The following MAP3K20 variants were observed in gnomAD, a reference collection of about 807,000 sequenced individuals.
MAP3K20 encodes HCCS-4.
Under a neutral mutation model 85.7 loss-of-function variants are expected in MAP3K20, and 40 were observed. That is an observed-to-expected ratio of 0.47 (90% CI 0.36 to 0.61). The LOEUF (loss-of-function observed/expected upper bound fraction) is 0.61. MAP3K20 is among the 20% of genes least tolerant of loss of function. MAP3K20 has a pLI of 0.00. For missense variants in MAP3K20, 817 were observed against 961.7 expected (o/e 0.85, Z 1.99); for synonymous variants, 325 against 327.7 (o/e 0.99, Z 0.09).
intron 2 of MAP3K20, among the ~76,000 whole-genome samples, chr2:173,106,913 T>G (rs1421780729): frequency 6.6e-6 from 1 of 152,134 alleles, no homozygotes; most frequent in African/African-American, 2.4e-5. Context: ...TCCTAAGTCA[T>G]GACCAAAGGA....
At chr2:173,209,530 G>C (rs1232564687) in intron 9 of MAP3K20, 199 bp from the exon 10 acceptor site, 9 of 447,338 alleles carry the variant, frequency 2.0e-5, no homozygotes, top group African/African-American at 1.6e-4. Flanking sequence ...CTTGTGAATA[G>C]TTCACCGAAA....
chr2:173,077,467 T>C (rs571520615), intron 1 of MAP3K20, among the ~76,000 whole-genome samples: 3 of 151,912 alleles, frequency 2.0e-5, no homozygotes, highest in Non-Finnish European at 2.9e-5. Context: ...CCTGCTACTA[T>C]AGTGAGAGAT....
upstream of MAP3K20, chr2:173,075,838 C>T: frequency 1.0e-6 from 1 of 985,348 alleles, no homozygotes; most frequent in Non-Finnish European, 1.2e-6. Context: ...GTTGCCGTGA[C>T]TGTCTTCCTC....
At chr2:173,255,306 CA>C (rs1339759962) in intron 16 of MAP3K20, among the ~76,000 whole-genome samples, 1 of 152,142 alleles carries the variant, frequency 6.6e-6, no homozygotes, top group East Asian at 1.9e-4. Flanking sequence ...TGGAGCTCAA[CA>C]AAATCATCCA....
chr2:173,250,032 CCATT>C (rs1377779979), intron 16 of MAP3K20, among the ~76,000 whole-genome samples: 1 of 152,146 alleles, frequency 6.6e-6, no homozygotes, highest in Non-Finnish European at 1.5e-5. Context: ...TAGACACAAG[CCATT>C]GTTAAGGGTA....
intron 1 of MAP3K20, among the ~76,000 whole-genome samples, chr2:173,081,166 G>A (rs1315604618): frequency 6.6e-6 from 1 of 150,708 alleles, no homozygotes; most frequent in African/African-American, 2.4e-5. Flanking sequence ...AATCGATACA[G>A]ACACATATTT....
chr2:173,243,861 C>T (rs933420777), intron 16 of MAP3K20, among the ~76,000 whole-genome samples: 2 of 152,224 alleles, frequency 1.3e-5, no homozygotes, highest in East Asian at 1.9e-4. Flanking sequence ...CTCCTGATCT[C>T]GTGATCCGCC....
chr2:173,190,655 A>G (rs768231363), intron 5 of MAP3K20, among the ~76,000 whole-genome samples: 2 of 152,224 alleles, frequency 1.3e-5, no homozygotes, highest in East Asian at 1.9e-4. Flanking sequence ...CTTACTGGAC[A>G]GTACTGCATT....
At chr2:173,084,659 A>T (rs937048369) in intron 1 of MAP3K20, among the ~76,000 whole-genome samples, 1 of 152,202 alleles carries the variant, frequency 6.6e-6, no homozygotes, top group African/African-American at 2.4e-5. Context: ...AAGAGATATA[A>T]TATAAAACAA....
In MAP3K20 at chr2:173,075,937, G is replaced by C. The variant is rs1301151040; in HGVS notation, c.-100G>C. 2 of 985,022 alleles carry C rather than the reference G, an allele frequency of 2.0e-6. No individual in the cohort carries two copies. Among genetic ancestry groups the C allele is most frequent in the Non-Finnish European group, 2.4e-6 (2 of 829,892 alleles). 61.0% of individuals were successfully genotyped at this position (985,022 alleles called of 1,614,324 possible). A position where few individuals can be genotyped will look rare whatever the true frequency, so the allele number is the denominator to read the frequency against. On this transcript the variant is annotated 5_prime_UTR_variant, in exon 1 of 20. Transcript: ENST00000375213. ...GCGGGCCGCTGTCGTCCCAACCCCC[G>C]CCGCCCTCGTCGCGCGCGGGGCCTC... is the stretch of plus-strand genomic sequence containing the variant.
At position 173,091,025 on chromosome 2, in the gene MAP3K20, T is replaced by C. The variant is rs1372960035; in HGVS notation, c.-7T>C. ...TTTGTGGAAGTATAATACTTTGTCA[T>C]TATGAGATGTCGTCTCTCGGTGCCT... is the stretch of plus-strand genomic sequence containing the variant. On this transcript the variant is annotated 5_prime_UTR_variant, in exon 2 of 20. Coordinates refer to ENST00000375213, the MANE Select transcript of MAP3K20 (RefSeq NM_016653.3). 2 of 1,606,630 alleles carry C rather than the reference T, an allele frequency of 1.2e-6. No homozygotes were observed. The highest frequency in any genetic ancestry group is 2.2e-5 in the East Asian group (1 of 44,828).
At chr2:173,248,512 CAG>C (rs1684972204) in intron 16 of MAP3K20, among the ~76,000 whole-genome samples, 1 of 152,204 alleles carries the variant, frequency 6.6e-6, no homozygotes, top group South Asian at 2.1e-4. Context: ...TTTCTAATTA[CAG>C]AGTGTGGCAA....
intron 1 of MAP3K20, among the ~76,000 whole-genome samples, chr2:173,085,529 T>G (rs1687120654): frequency 2.0e-5 from 3 of 152,312 alleles, no homozygotes; most frequent in Admixed American, 1.3e-4. Context: ...AAAAATTTTT[T>G]GACATTCTAC....
Position 173,258,703 on chromosome 2 carries a change from G to GT in MAP3K20, c.1365dup (p.Lys456Ter). 1 of 1,592,690 alleles carries GT rather than the reference G, an allele frequency of 6.3e-7. No individual in the cohort carries two copies. The highest frequency in any genetic ancestry group is 8.6e-7 in the Non-Finnish European group (1 of 1,165,856). On this transcript the variant is annotated frameshift_variant, in exon 17 of 20. Coordinates refer to ENST00000375213, the MANE Select transcript of MAP3K20 (RefSeq NM_016653.3). LOFTEE classifies it high-confidence loss of function. ...TAATTTTGTTTTTAATTCCAGGATT[G>GT]TAAGTGGAAAATGTATATGGAGATG...
chr2:173,188,578 C>T (rs1690560922), intron 5 of MAP3K20, among the ~76,000 whole-genome samples: 1 of 151,002 alleles, frequency 6.6e-6, no homozygotes, highest in Non-Finnish European at 1.5e-5. Flanking sequence ...GCACGTGCCT[C>T]AGGACTGTGA....
Position 173,266,819 on chromosome 2 carries a change from A to C in MAP3K20, c.*69A>C, listed in dbSNP as rs969515885. ...AAAAAAAGAAATGTAATGGTTTTTG[A>C]TAATATGATCCCTTCAGATTGAATT... On this transcript the variant is annotated 3_prime_UTR_variant, in exon 20 of 20. Transcript: ENST00000375213. 1.8e-5 allele frequency: 24 copies of C among 1,315,320 alleles called. No individual in the cohort carries two copies. The highest frequency in any genetic ancestry group is 3.0e-5 in the African/African-American group (2 of 67,138). The allele number at this position is 1,315,320 out of a possible 1,614,324, so 81.5% of individuals were successfully genotyped here.
intron 2 of MAP3K20, among the ~76,000 whole-genome samples, chr2:173,163,545 T>G (rs1352795424): frequency 6.6e-6 from 1 of 152,192 alleles, no homozygotes; most frequent in Non-Finnish European, 1.5e-5. Context: ...GGCTGCATGG[T>G]ATTCCTAGCT....
At position 173,106,054 on chromosome 2, in the gene MAP3K20, A is replaced by T. The variant is rs183964124; in HGVS notation, c.159+14864A>T. On this transcript the variant is annotated intron_variant, in intron 2 of 19. Transcript: ENST00000375213. ...CTGTGAGAAATTAGTGAATACATTT[A>T]AAAAAGAAATATATCCTACATTTAT... 2.0e-4 allele frequency among the ~76,000 whole-genome samples: 30 copies of T among 152,366 alleles called. No individual in the cohort carries two copies. The East Asian group carries it at 5.6e-3, about 28-fold the overall frequency.
intron 11 of MAP3K20, chr2:173,221,364 A>G: frequency 3.7e-6 from 6 of 1,614,126 alleles, no homozygotes; most frequent in Non-Finnish European, 4.2e-6. Flanking sequence ...TCTGGGATGC[A>G]GATAAACATG....
Sources: gnomAD v4.1 joint callset for allele counts (sites outside exome capture counted in the v4.1 genomes callset) on GRCh38, gnomAD v4.1.1 for gene constraint, MANE v1.5 for transcripts, NCBI Gene and HGNC (gene_info 2026-07-23, HGNC 2026-07-21) for gene names.